CFLAR: variants seen among roughly 807,000 people sequenced by gnomAD.
CFLAR encodes CASP8 and FADD like apoptosis regulator, also known as CASP8 and FADD-like apoptosis regulator.
CFLAR carries 14 observed loss-of-function variants against 51.1 expected under a neutral mutation model. The observed-to-expected ratio is 0.27, with a 90% CI of 0.18 to 0.43. CFLAR has a LOEUF of 0.43. Ranked by LOEUF, CFLAR falls within the 20% of genes least tolerant of loss-of-function variation. The pLI is 1.00. For missense variants in CFLAR, 390 were observed against 566.5 expected, an observed-to-expected ratio of 0.69 and a Z score of 3.16; for synonymous variants, 210 against 211.6, an observed-to-expected ratio of 0.99 and a Z score of 0.06.
At chr2:201,159,304 A>G (rs1424253801) in intron 8 of CFLAR, among the ~76,000 whole-genome samples, 1 of 150,530 alleles carries the variant, frequency 6.6e-6, no homozygotes, top group Non-Finnish European at 1.5e-5. Flanking sequence ...TTCTTACATG[A>G]TATAATAATT....
chr2:201,138,905 A>G lies in CFLAR; in HGVS notation c.524-1452A>G. On this transcript the variant is annotated intron_variant, in intron 4 of 9. Transcript: ENST00000309955. The surrounding 1 kb of genome is among the most constrained non-coding windows in gnomAD (Gnocchi z 4.0). ...TGACCATTGGGTCAGGGCTGAGGTC[A>G]GGTCCACCTCATCAGCTATGAAGTC... 1.5e-6 allele frequency: 1 copy of G among 672,496 alleles called. No homozygotes were observed. The highest frequency in any genetic ancestry group is 2.8e-6 in the Non-Finnish European group (1 of 358,316). The allele number at this position is 672,496 out of a possible 1,614,324, so 41.7% of individuals were successfully genotyped here. A position where few individuals can be genotyped will look rare whatever the true frequency, so the allele number is the denominator to read the frequency against.
chr2:201,138,429 T>C lies in CFLAR; in HGVS notation c.524-1928T>C. ...ACCAGCTCATCGCGATCATTGACGA[T>C]AGGCAGCTTCCTTTCTTACTAAGCT... On this transcript the variant is annotated intron_variant, in intron 4 of 9. Transcript: ENST00000309955. This position sits in a 1 kb window ranked among gnomAD's most constrained non-coding sequence, Gnocchi z 4.0. 1.2e-6 allele frequency: 1 copy of C among 809,648 alleles called. No homozygotes were observed. Among genetic ancestry groups the C allele is most frequent in the Non-Finnish European group, 2.2e-6 (1 of 452,528 alleles). 50.2% of individuals were successfully genotyped at this position (809,648 alleles called of 1,614,324 possible).
In CFLAR at chr2:201,175,074, ACTT is replaced by A. The variant is rs1944149643; in HGVS notation, c.*11105_*11107del. On this transcript the variant is annotated 3_prime_UTR_variant, in exon 10 of 10. Transcript: ENST00000309955. The stretch of plus-strand genomic sequence containing the variant: ...TGGTCTAAAAGGTCCAGACCTCCCC[ACTT>A]CTTTCCTGGAAAACTCATGAATAAG... The A allele has an allele frequency of 6.6e-6, 1 of 152,168 alleles. No homozygotes were observed. The highest frequency in any genetic ancestry group is 1.5e-5 in the Non-Finnish European group (1 of 68,034). The allele number at this position is 152,168 out of a possible 1,614,324, so 9.4% of individuals were successfully genotyped here.
chr2:201,161,968 C>G (rs11889560), intron 9 of CFLAR, among the ~76,000 whole-genome samples: 71,863 of 151,048 alleles, frequency 0.48, 17,262 homozygotes, highest in Non-Finnish European at 0.51. Flanking sequence ...GGCTGGTCTG[C>G]AACTCCTGGC....
intron 4 of CFLAR, chr2:201,136,311 A>G (rs1316614503): frequency 5.0e-6 from 8 of 1,598,774 alleles, no homozygotes; most frequent in Non-Finnish European, 6.8e-6. Flanking sequence ...CTGTATATTC[A>G]TGATCTCTGC....
At chr2:201,141,982 A>G (rs1367770475) in intron 5 of CFLAR, 1 of 152,294 alleles carries the variant, frequency 6.6e-6, no homozygotes, top group East Asian at 1.9e-4. Context: ...AAAGAAGGAA[A>G]AAAATGCTTT....
intron 9 of CFLAR, among the ~76,000 whole-genome samples, chr2:201,161,969 A>G (rs985701506): frequency 6.6e-6 from 1 of 151,880 alleles, no homozygotes; most frequent in Non-Finnish European, 1.5e-5. Context: ...GCTGGTCTGC[A>G]ACTCCTGGCC....
At chr2:201,158,619 T>C (rs1443060607) in intron 8 of CFLAR, among the ~76,000 whole-genome samples, 2 of 152,142 alleles carry the variant, frequency 1.3e-5, no homozygotes, top group African/African-American at 4.8e-5. Context: ...GGTTCTCTCC[T>C]TGTTCAGCCT....
In CFLAR at chr2:201,170,487, T is replaced by G. The variant is rs1021718797; in HGVS notation, c.*6514T>G. The G allele has an allele frequency of 6.6e-6, 1 of 152,246 alleles. No homozygotes were observed. The highest frequency in any genetic ancestry group is 2.4e-5 in the African/African-American group (1 of 41,478). 9.4% of individuals were successfully genotyped at this position (152,246 alleles called of 1,614,324 possible). On this transcript the variant is annotated 3_prime_UTR_variant, in exon 10 of 10. Coordinates refer to ENST00000309955, the MANE Select transcript of CFLAR (RefSeq NM_003879.7). ...AGGAACTGTTTTATTCACTTGCTGATAATTCAGCCTAATCCAGTTTGACAT... is the reference window on the plus strand; with the variant it reads ...AGGAACTGTTTTATTCACTTGCTGAGAATTCAGCCTAATCCAGTTTGACAT...
rs996041964 is a variant in CFLAR, at chr2:201,149,795, A to G, written c.753A>G (p.Leu251=). The G allele has an allele frequency of 1.2e-5, 19 of 1,613,804 alleles. No individual in the cohort carries two copies. The East Asian group carries it at 4.2e-4, about 36-fold the overall frequency. The change falls in exon 8 of 10, where the codon CTA becomes CTG. Residue 251 remains leucine, a synonymous_variant. Transcript: ENST00000309955. ...EERYKMKSKP[L]GICLIIDCIG... ...GATACAAGATGAAGAGCAAGCCCCT[A>G]GGAATCTGCCTGATAATCGATTGCA... is the stretch of plus-strand genomic sequence containing the variant.
chr2:201,159,797 T>G (rs1367961745), intron 8 of CFLAR, among the ~76,000 whole-genome samples: 25 of 152,230 alleles, frequency 1.6e-4, no homozygotes, highest in Admixed American at 1.6e-3. Context: ...TCACAGTTAC[T>G]AATTTAATTA....
rs2048344325 is a variant in CFLAR at position 201,123,127 on chromosome 2, A to C, written c.-137-6602A>C. On this transcript the variant is annotated intron_variant, in intron 1 of 9. Coordinates refer to ENST00000309955, the MANE Select transcript of CFLAR (RefSeq NM_003879.7). ...CTGGTGACTTTGCCCATGTTTCTAT[A>C]TCCAATTAGATGATGATTTATGATC... Among the ~76,000 whole-genome samples, 3 of 152,214 alleles carry C rather than the reference A, an allele frequency of 2.0e-5. No homozygotes were observed. In the South Asian group the frequency reaches 6.2e-4, roughly 31 times the overall value.
rs1436660010 is a variant in CFLAR, at chr2:201,167,643, A to C, written c.*3670A>C. The C allele has an allele frequency of 6.6e-6, 1 of 152,256 alleles. No homozygotes were observed. Among genetic ancestry groups the C allele is most frequent in the Non-Finnish European group, 1.5e-5 (1 of 68,054 alleles). The allele number at this position is 152,256 out of a possible 1,614,324, so 9.4% of individuals were successfully genotyped here. On this transcript the variant is annotated 3_prime_UTR_variant, in exon 10 of 10. Transcript: ENST00000309955. ...GGGGTGCCAGTGGGAAGTAATGTGT[A>C]TGCTTGGCCTCATGAGCTAAAACCC...
At chr2:201,126,137 C>T (rs975698017) in intron 1 of CFLAR, among the ~76,000 whole-genome samples, 1 of 152,028 alleles carries the variant, frequency 6.6e-6, no homozygotes. Flanking sequence ...GCTCAAAGTT[C>T]TCTCAGCCTC....
intron 4 of CFLAR, chr2:201,137,656 G>T: frequency 5.3e-6 from 4 of 759,434 alleles, no homozygotes; most frequent in Non-Finnish European, 9.8e-6. Flanking sequence ...CCGATATCCT[G>T]GCAGCCATGC....
intron 6 of CFLAR, among the ~76,000 whole-genome samples, chr2:201,147,490 C>G (rs1320646897): frequency 2.7e-5 from 4 of 149,932 alleles, no homozygotes; most frequent in Non-Finnish European, 5.9e-5. Flanking sequence ...GATCTTGCCA[C>G]TGCATTCTAG....
chr2:201,153,311 A>C (rs1157861711), intron 8 of CFLAR: 1 of 152,250 alleles, frequency 6.6e-6, no homozygotes, highest in Non-Finnish European at 1.5e-5. Flanking sequence ...ATCCACTTAC[A>C]TGCAGACTCA....
intron 1 of CFLAR, among the ~76,000 whole-genome samples, chr2:201,125,056 AAGTC>A (rs2048549830): frequency 2.0e-5 from 3 of 152,332 alleles, no homozygotes; most frequent in South Asian, 4.1e-4. Flanking sequence ...GGTGCTCAAA[AAGTC>A]AGTCATCAAG....
At chr2:201,131,219 CT>C (rs1473055183) in intron 2 of CFLAR, among the ~76,000 whole-genome samples, 1 of 151,976 alleles carries the variant, frequency 6.6e-6, no homozygotes, top group Non-Finnish European at 1.5e-5. Context: ...AGGAAGATAA[CT>C]TGTAACCTTA....
Sources: allele counts gnomAD v4.1 joint callset (sites outside exome capture counted in the v4.1 genomes callset), GRCh38; gene constraint gnomAD v4.1.1; non-coding constraint Gnocchi (gnomAD v3.1); transcripts MANE v1.5; gene names NCBI Gene and HGNC (gene_info 2026-07-23, HGNC 2026-07-21).